Variants in CELF2 observed in about 807,000 individuals in gnomAD.
CELF2 encodes CUGBP Elav-like family member 2.
Under a neutral mutation model 62.6 loss-of-function variants are expected in CELF2, and 8 were observed. The ratio of observed to expected loss-of-function variants is 0.13; its 90% CI spans 0.07 to 0.23. CELF2 has a LOEUF of 0.23. Among genes scored for constraint, CELF2 ranks in the 10% least tolerant of loss-of-function variants. CELF2 has a pLI of 1.00. For synonymous variants in CELF2, 258 were observed against 250.0 expected, an observed-to-expected ratio of 1.03 and a Z score of -0.30; for missense variants, 333 against 671.0, an observed-to-expected ratio of 0.50 and a Z score of 5.56.
chr10:10,530,889 T>C, the CELF2 span, among the ~76,000 whole-genome samples: 2 of 152,216 alleles, frequency 1.3e-5, no homozygotes, highest in African/African-American at 4.8e-5. Flanking sequence ...ATGCCGTGTC[T>C]TCAAATTACA....
Position 11,306,376 on chromosome 10 carries a change from C to T in CELF2, c.977-7763C>T, listed in dbSNP as rs112594509. Among the ~76,000 whole-genome samples the T allele has an allele frequency of 2.1e-3, 320 of 152,054 alleles. 1 individual carries two copies. The highest frequency in any genetic ancestry group is 2.9e-3 in the Non-Finnish European group (195 of 67,974). ...GGTGGGAAGAATGCAGATGGTTGTC[C>T]GAGGCAGCATCTTGCCAGCCTGCCA... On this transcript the variant is annotated intron_variant, in intron 9 of 12. Coordinates refer to ENST00000633077, the MANE Select transcript of CELF2 (RefSeq NM_001326342.2). The surrounding 1 kb of genome is among the most constrained non-coding windows in gnomAD (Gnocchi z 4.4).
At chr10:10,837,556 A>T (rs79621186) in intron 1 of CELF2, among the ~76,000 whole-genome samples, 1 of 152,278 alleles carries the variant, frequency 6.6e-6, no homozygotes, top group East Asian at 1.9e-4. Flanking sequence ...TTATTCATGT[A>T]TCTTTCATGT....
At chr10:10,720,167 T>A in the CELF2 span, among the ~76,000 whole-genome samples, 3,195 of 152,314 alleles carry the variant, frequency 0.021, 55 homozygotes, top group African/African-American at 0.053. Flanking sequence ...TGTGCAGGAC[T>A]TACGGCAGGC....
intron 2 of CELF2, among the ~76,000 whole-genome samples, chr10:10,923,357 C>T (rs1267934110): frequency 6.6e-6 from 1 of 152,122 alleles, no homozygotes; most frequent in Non-Finnish European, 1.5e-5. Context: ...TTGAAATGTT[C>T]CGAAAGACCA....
chr10:10,909,683 C>T (rs2063642007), intron 1 of CELF2, among the ~76,000 whole-genome samples: 1 of 152,346 alleles, frequency 6.6e-6, no homozygotes, highest in South Asian at 2.1e-4. Flanking sequence ...GGCTGTTAGG[C>T]GAATGAAGTC....
At chr10:11,082,913 G>A (rs1046708894) in intron 1 of CELF2, among the ~76,000 whole-genome samples, 9 of 152,214 alleles carry the variant, frequency 5.9e-5, no homozygotes, top group African/African-American at 2.2e-4. Context: ...CCCTTGGTGT[G>A]TAATGATTAG....
chr10:11,263,971 AT>A (rs1049265002), intron 5 of CELF2, among the ~76,000 whole-genome samples: 28 of 152,122 alleles, frequency 1.8e-4, no homozygotes, highest in Non-Finnish European at 3.8e-4. Flanking sequence ...TGACACTGTA[AT>A]TTTTTTCTCA....
chr10:11,189,095 G>A (rs1349647021), intron 2 of CELF2, among the ~76,000 whole-genome samples: 1 of 152,102 alleles, frequency 6.6e-6, no homozygotes, highest in Non-Finnish European at 1.5e-5. Flanking sequence ...CTTCTAAAGT[G>A]AGGCCTCTCC....
At chr10:11,126,511 T>C (rs1308979693) in intron 1 of CELF2, among the ~76,000 whole-genome samples, 1 of 152,212 alleles carries the variant, frequency 6.6e-6, no homozygotes, top group African/African-American at 2.4e-5. Flanking sequence ...TACATCAGAA[T>C]ACAGGGATTA....
At chr10:10,694,892 G>T in the CELF2 span, among the ~76,000 whole-genome samples, 1 of 150,420 alleles carries the variant, frequency 6.6e-6, no homozygotes, top group Non-Finnish European at 1.5e-5. Context: ...CTTTTATTTT[G>T]AGCCTATGTG....
At chr10:10,848,581 TTC>T (rs2059162215) in intron 1 of CELF2, among the ~76,000 whole-genome samples, 1 of 152,040 alleles carries the variant, frequency 6.6e-6, no homozygotes, top group Non-Finnish European at 1.5e-5. Context: ...GGGGCAAGAG[TTC>T]TGTTTCCTGC....
At chr10:11,186,400 T>C (rs1195001924) in intron 2 of CELF2, among the ~76,000 whole-genome samples, 1 of 152,192 alleles carries the variant, frequency 6.6e-6, no homozygotes, top group South Asian at 2.1e-4. Context: ...TTCTGACTTT[T>C]AAGATGAAAG....
At chr10:11,092,338 T>C (rs949947798) in intron 1 of CELF2, 1 of 152,160 alleles carries the variant, frequency 6.6e-6, no homozygotes, top group African/African-American at 2.4e-5. Context: ...AAACAAGAGG[T>C]TGTTGGCGGA....
At chr10:10,751,624 A>T in the CELF2 span, among the ~76,000 whole-genome samples, 1 of 152,174 alleles carries the variant, frequency 6.6e-6, no homozygotes, top group South Asian at 2.1e-4. Flanking sequence ...CAGTGATGTT[A>T]CCTTCCTTCT....
intron 1 of CELF2, among the ~76,000 whole-genome samples, chr10:10,824,817 C>T (rs2057254303): frequency 6.6e-6 from 1 of 152,310 alleles, no homozygotes; most frequent in East Asian, 1.9e-4. Context: ...TAAGTTGAAG[C>T]TTTCAATTCT....
At chr10:11,226,477 C>T (rs548987720) in intron 3 of CELF2, among the ~76,000 whole-genome samples, 2 of 152,350 alleles carry the variant, frequency 1.3e-5, no homozygotes, top group Admixed American at 6.5e-5. Context: ...TCCTGCCCCA[C>T]TCCTGCAGCT....
At chr10:10,562,430 T>C in the CELF2 span, among the ~76,000 whole-genome samples, 1 of 152,238 alleles carries the variant, frequency 6.6e-6, no homozygotes, top group Non-Finnish European at 1.5e-5. Flanking sequence ...GTTGTATCAA[T>C]CTTCCCAATC....
intron 1 of CELF2, among the ~76,000 whole-genome samples, chr10:10,839,473 G>C (rs1417650372): frequency 2.6e-5 from 4 of 152,130 alleles, no homozygotes; most frequent in Admixed American, 1.3e-4. Flanking sequence ...CGTGTATAGT[G>C]GTTTCAGAAT....
chr10:10,738,959 G>A, the CELF2 span, among the ~76,000 whole-genome samples: 1 of 152,124 alleles, frequency 6.6e-6, no homozygotes, highest in South Asian at 2.1e-4. Flanking sequence ...AGGAGAGACT[G>A]GGCATGGGGT....
Sources: gnomAD v4.1 joint callset for allele counts (sites outside exome capture counted in the v4.1 genomes callset) on GRCh38, gnomAD v4.1.1 for gene constraint, Gnocchi (gnomAD v3.1) non-coding constraint, MANE v1.5 for transcripts, NCBI Gene and HGNC (gene_info 2026-07-23, HGNC 2026-07-21) for gene names.